Variants in MRPS27 observed in about 807,000 individuals in gnomAD.
MRPS27 encodes the protein small ribosomal subunit protein mS27.
Under a neutral mutation model 48.9 loss-of-function variants are expected in MRPS27, and 43 were observed. That is an observed-to-expected ratio of 0.88 (90% confidence interval 0.69 to 1.13). The LOEUF is 1.13. Ranked by LOEUF, MRPS27 falls within the 50% of genes most tolerant of loss-of-function variation. The probability of loss-of-function intolerance (pLI) is 0.00; values close to 1 mark genes in which losing one functional copy is unlikely to be tolerated. For synonymous variants in MRPS27, 188 were observed against 171.9 expected, an observed-to-expected ratio of 1.09 and a Z score of -0.73; for missense variants, 467 against 476.3, an observed-to-expected ratio of 0.98 and a Z score of 0.18.
In MRPS27 at chr5:72,272,141, CA is replaced by C. The variant is rs1460646300; in HGVS notation, c.281+23389del. Among the ~76,000 whole-genome samples the C allele has an allele frequency of 4.6e-5, 7 of 152,322 alleles. No homozygotes were observed. In the East Asian group the frequency reaches 1.3e-3, roughly 29 times the overall value. On this transcript the variant is annotated intron_variant, in intron 4 of 10. Coordinates refer to ENST00000261413, the MANE Select transcript of MRPS27 (RefSeq NM_015084.3). ...AGTGAGGGTATAGATCAAGGGTTGG[CA>C]AACTAAGGCCTATGGGATACTTTAG...
chr5:72,235,569 G>A (rs925597413), intron 5 of MRPS27, among the ~76,000 whole-genome samples: 2 of 152,178 alleles, frequency 1.3e-5, no homozygotes, highest in African/African-American at 4.8e-5. Context: ...GGGGCAGGAT[G>A]TTGATTATGA....
In MRPS27 at chr5:72,220,607, T is replaced by C. The variant is rs1051484775; in HGVS notation, c.*302A>G. 1 of 343,616 alleles carries C rather than the reference T, an allele frequency of 2.9e-6. No homozygotes were observed. Among genetic ancestry groups the C allele is most frequent in the Admixed American group, 4.4e-5 (1 of 22,798 alleles). The allele number at this position is 343,616 out of a possible 1,614,324, so 21.3% of individuals were successfully genotyped here. Reference sequence around the variant, plus strand: ...TTCTCCCAGTACTGTCACTGGGTCTTAGGAACTTTAATGCTCATAACTAAT... The same window carrying C: ...TTCTCCCAGTACTGTCACTGGGTCTCAGGAACTTTAATGCTCATAACTAAT... On this transcript the variant is annotated 3_prime_UTR_variant, in exon 11 of 11. Coordinates refer to ENST00000261413, the MANE Select transcript of MRPS27 (RefSeq NM_015084.3).
At position 72,258,409 on chromosome 5, in the gene MRPS27, T is replaced by C. The variant is rs969990311; in HGVS notation, c.282-20281A>G. On this transcript the variant is annotated intron_variant, in intron 4 of 10. Coordinates refer to ENST00000261413, the MANE Select transcript of MRPS27 (RefSeq NM_015084.3). ...AATATGAATCACCTTGTTTTCATGA[T>C]TTCAATGACCAAAGACCTTAGAAGA... is the stretch of plus-strand genomic sequence containing the variant. 7.9e-5 allele frequency among the ~76,000 whole-genome samples: 12 copies of C among 152,344 alleles called. No individual in the cohort carries two copies. The South Asian group carries it at 1.9e-3, about 24-fold the overall frequency.
intron 4 of MRPS27, among the ~76,000 whole-genome samples, chr5:72,292,989 G>C (rs536590061): frequency 6.6e-6 from 1 of 152,266 alleles, no homozygotes; most frequent in African/African-American, 2.4e-5. Flanking sequence ...GAGATGTTAG[G>C]CATCATAATG....
intron 4 of MRPS27, among the ~76,000 whole-genome samples, chr5:72,277,520 C>G (rs575242953): frequency 1.3e-5 from 2 of 152,108 alleles, no homozygotes; most frequent in South Asian, 4.1e-4. Flanking sequence ...AGGAGAATCG[C>G]TTGAACCAGG....
intron 4 of MRPS27, among the ~76,000 whole-genome samples, chr5:72,292,763 G>A (rs1212841611): frequency 6.6e-6 from 1 of 152,144 alleles, no homozygotes; most frequent in Non-Finnish European, 1.5e-5. Context: ...AGCAGAGCCT[G>A]GTGTTCACAG....
At chr5:72,256,327 T>C (rs1209809726) in intron 4 of MRPS27, among the ~76,000 whole-genome samples, 1 of 152,198 alleles carries the variant, frequency 6.6e-6, no homozygotes, top group Non-Finnish European at 1.5e-5. Context: ...CATTTCAAAA[T>C]TTTAAATACT....
At chr5:72,316,335 T>C (rs1017263534) in intron 1 of MRPS27, among the ~76,000 whole-genome samples, 1 of 152,204 alleles carries the variant, frequency 6.6e-6, no homozygotes, top group African/African-American at 2.4e-5. Context: ...TCTGTGTTTA[T>C]ACTAAAACCT....
At chr5:72,290,724 A>G (rs1240321082) in intron 4 of MRPS27, among the ~76,000 whole-genome samples, 1 of 152,234 alleles carries the variant, frequency 6.6e-6, no homozygotes, top group African/African-American at 2.4e-5. Context: ...GGAAGTAGAA[A>G]TTAATCCTTT....
intron 4 of MRPS27, among the ~76,000 whole-genome samples, chr5:72,281,760 T>C (rs1423918661): frequency 1.3e-5 from 2 of 152,238 alleles, no homozygotes; most frequent in Non-Finnish European, 2.9e-5. Context: ...AATGGAGGAC[T>C]ATACTAATCT....
At chr5:72,280,102 C>CA (rs1749495935) in intron 4 of MRPS27, among the ~76,000 whole-genome samples, 1 of 152,170 alleles carries the variant, frequency 6.6e-6, no homozygotes, top group Non-Finnish European at 1.5e-5. Context: ...AAGCCATTAT[C>CA]TTCATTTGTA....
At chr5:72,221,907 T>C (rs1376500312) in intron 10 of MRPS27, among the ~76,000 whole-genome samples, 1 of 89,968 alleles carries the variant, frequency 1.1e-5, no homozygotes, top group African/African-American at 2.8e-5. Context: ...GAAGTAAGTA[T>C]TAAAAACATT....
At chr5:72,271,298 G>T (rs574878478) in intron 4 of MRPS27, among the ~76,000 whole-genome samples, 1 of 152,234 alleles carries the variant, frequency 6.6e-6, no homozygotes, top group South Asian at 2.1e-4. Flanking sequence ...CAGAATCTGG[G>T]TCAAGATACA....
Position 72,291,926 on chromosome 5 carries a change from A to G in MRPS27, c.281+3605T>C, listed in dbSNP as rs534282586. On this transcript the variant is annotated intron_variant, in intron 4 of 10. Coordinates refer to ENST00000261413, the MANE Select transcript of MRPS27 (RefSeq NM_015084.3). ...AAAACCACTCATAAAGAGGTTTACC[A>G]TTTAGCCTGCTAGTAATATCTGTGC... 8.5e-5 allele frequency among the ~76,000 whole-genome samples: 13 copies of G among 152,370 alleles called. 1 individual carries two copies. Among genetic ancestry groups the G allele is most frequent in the South Asian group, 4.1e-4 (2 of 4,834 alleles).
At chr5:72,264,188 G>T (rs578200183) in intron 4 of MRPS27, among the ~76,000 whole-genome samples, 8 of 152,254 alleles carry the variant, frequency 5.3e-5, no homozygotes, top group African/African-American at 1.9e-4. Flanking sequence ...CCAGAATAGG[G>T]AAATTCATAG....
chr5:72,308,450 C>A (rs895644728), intron 2 of MRPS27, among the ~76,000 whole-genome samples: 8 of 152,246 alleles, frequency 5.3e-5, no homozygotes, highest in African/African-American at 1.9e-4. Flanking sequence ...GAGCACCTCA[C>A]GGCCCTCCGG....
chr5:72,246,472 CGTTAA>C (rs1348103611), intron 4 of MRPS27, among the ~76,000 whole-genome samples: 2 of 152,006 alleles, frequency 1.3e-5, no homozygotes, highest in African/African-American at 4.8e-5. Flanking sequence ...AGAGTGAAGC[CGTTAA>C]GTTGAGGACA....
At chr5:72,225,783 T>A (rs1362694407) in intron 9 of MRPS27, among the ~76,000 whole-genome samples, 1 of 152,020 alleles carries the variant, frequency 6.6e-6, no homozygotes, top group Admixed American at 6.5e-5. Context: ...ACTGAGATTT[T>A]TTTTTTTTTG....
At position 72,255,297 on chromosome 5, in the gene MRPS27, C is replaced by T. The variant is rs150122106; in HGVS notation, c.282-17169G>A. Among the ~76,000 whole-genome samples the T allele has an allele frequency of 3.4e-3, 516 of 152,138 alleles. 1 individual carries two copies. Among genetic ancestry groups the T allele is most frequent in the African/African-American group, 0.011 (460 of 41,510 alleles). Reference sequence around the variant, plus strand: ...AACTCCTGACCTCAGGTAATCCACCCGCCTTGGACTCCCTAAGTGCTAGGA... The same window carrying T: ...AACTCCTGACCTCAGGTAATCCACCTGCCTTGGACTCCCTAAGTGCTAGGA... On this transcript the variant is annotated intron_variant, in intron 4 of 10. Transcript: ENST00000261413.
Sources: gnomAD v4.1 joint callset for allele counts (sites outside exome capture counted in the v4.1 genomes callset) on GRCh38, gnomAD v4.1.1 for gene constraint, MANE v1.5 for transcripts, NCBI Gene and HGNC (gene_info 2026-07-23, HGNC 2026-07-21) for gene names.